Variants in ENTPD1 observed in about 807,000 individuals in gnomAD.
ENTPD1 encodes the protein ATP diphosphohydrolase.
Under a neutral mutation model 57.0 loss-of-function variants are expected in ENTPD1, and 33 were observed. The observed-to-expected ratio is 0.58, with a 90% confidence interval of 0.44 to 0.77. The LOEUF (loss-of-function observed/expected upper bound fraction) is 0.77, where lower values mean the gene tolerates loss of function less well. ENTPD1 is among the 30% of genes least tolerant of loss of function. ENTPD1 has a pLI of 0.00. For synonymous variants in ENTPD1, 202 were observed against 218.8 expected (o/e 0.92, Z 0.68); for missense variants, 501 against 603.4 (o/e 0.83, Z 1.78).
chr10:95,822,370 C>T, intron 1 of ENTPD1, among the ~76,000 whole-genome samples: 1 of 151,846 alleles, frequency 6.6e-6, no homozygotes, highest in East Asian at 1.9e-4. Context: ...GATCTTGGCT[C>T]ACCGAAACCT....
rs1290866326 is a variant in ENTPD1 at position 95,864,870 on chromosome 10, G to A, written c.1326+9G>A. On this transcript the variant is annotated intron_variant, in intron 9 of 9. Transcript: ENST00000371205. ...TCCATTTCATTGGCAAGGTAATTTG[G>A]GGGCCTGTTGGGCTGGGGGGAGGTT... The A allele has an allele frequency of 6.2e-7, 1 of 1,612,632 alleles. No individual in the cohort carries two copies. The highest frequency in any genetic ancestry group is 8.5e-7 in the Non-Finnish European group (1 of 1,179,920).
At position 95,872,045 on chromosome 10, in the gene ENTPD1, A is replaced by G. The variant is rs1419033226; in HGVS notation, c.*5662A>G. 1 of 985,300 alleles carries G rather than the reference A, an allele frequency of 1.0e-6. No individual in the cohort carries two copies. Among genetic ancestry groups the G allele is most frequent in the East Asian group, 1.1e-4 (1 of 8,826 alleles). 61.0% of individuals were successfully genotyped at this position (985,300 alleles called of 1,614,324 possible). On this transcript the variant is annotated 3_prime_UTR_variant, in exon 10 of 10. Transcript: ENST00000371205. ...GCCTCAATGAACCAAGATCAGCTCC[A>G]TCACTGGGACCTCCCCATTCTGCCT...
chr10:95,816,847 A>C (rs1463577937), intron 1 of ENTPD1, among the ~76,000 whole-genome samples: 1 of 152,242 alleles, frequency 6.6e-6, no homozygotes, highest in Non-Finnish European at 1.5e-5. Flanking sequence ...TGATAGTATT[A>C]CGTGCACCTT....
chr10:95,843,011 G>A (rs971676488), intron 4 of ENTPD1, among the ~76,000 whole-genome samples: 3 of 152,228 alleles, frequency 2.0e-5, no homozygotes, highest in Non-Finnish European at 4.4e-5. Context: ...AGGGTGATCA[G>A]TGTTTTAATA....
chr10:95,762,639 C>T (rs2098070449), intron 1 of ENTPD1, among the ~76,000 whole-genome samples: 1 of 152,096 alleles, frequency 6.6e-6, no homozygotes, highest in African/African-American at 2.4e-5. Context: ...AGGATGTTTC[C>T]ATTTCCAATA....
At chr10:95,694,740 A>G in the ENTPD1 span, among the ~76,000 whole-genome samples, 1 of 151,976 alleles carries the variant, frequency 6.6e-6, no homozygotes, top group East Asian at 1.9e-4. Flanking sequence ...CTTCCCGGGA[A>G]TGGCGTGCCT....
In ENTPD1 at chr10:95,817,037, G is replaced by A. The variant is rs925890502; in HGVS notation, c.17-6200G>A. Among the ~76,000 whole-genome samples the A allele has an allele frequency of 7.2e-5, 11 of 152,198 alleles. No homozygotes were observed. In the South Asian group the frequency reaches 1.2e-3, roughly 17 times the overall value. ...CCCATTCTGCCCATGAGGAAATGGA[G>A]GCTTACAGAGACTAAGCAAAGGTAA... On this transcript the variant is annotated intron_variant, in intron 1 of 9. Transcript: ENST00000371205.
intron 2 of ENTPD1, among the ~76,000 whole-genome samples, chr10:95,832,981 C>G (rs1412060488): frequency 6.6e-6 from 1 of 152,178 alleles, no homozygotes; most frequent in African/African-American, 2.4e-5. Flanking sequence ...GCAGGATTTC[C>G]AGCTTCTGTT....
intron 4 of ENTPD1, 143 bp from the exon 5 acceptor site, chr10:95,844,333 G>A (rs976361805): frequency 8.9e-7 from 1 of 1,126,242 alleles, no homozygotes; most frequent in Non-Finnish European, 1.3e-6. Flanking sequence ...GGACAGCTAT[G>A]TGCGAAGATC....
chr10:95,847,607 C>A lies in ENTPD1; in HGVS notation c.975C>A (p.Cys325Ter). ...AGGGTATTGGAAACTATCAACAATG[C>A]CATCAAAGCATCCTGGAGCTCTTCA... ...EIQGIGNYQQ[C>*]HQSILELFNT... The change falls in exon 7 of 10, where the codon TGC (cysteine) becomes TGA (stop). Residue 325 changes from cysteine to a stop codon, truncating the protein, a stop_gained. Coordinates refer to ENST00000371205, the MANE Select transcript of ENTPD1 (RefSeq NM_001776.6). LOFTEE classifies it high-confidence loss of function. 1 of 1,614,154 alleles carries A rather than the reference C, an allele frequency of 6.2e-7. No individual in the cohort carries two copies. Among genetic ancestry groups the A allele is most frequent in the Non-Finnish European group, 8.5e-7 (1 of 1,180,030 alleles).
chr10:95,734,118 C>T (rs2097992027), intron 1 of ENTPD1, among the ~76,000 whole-genome samples: 1 of 152,182 alleles, frequency 6.6e-6, no homozygotes, highest in Admixed American at 6.5e-5. Context: ...TCCCCCTTTC[C>T]TACTTAGCAT....
intron 1 of ENTPD1, among the ~76,000 whole-genome samples, chr10:95,741,617 C>T (rs530235389): frequency 3.9e-5 from 6 of 152,254 alleles, no homozygotes; most frequent in African/African-American, 1.4e-4. Context: ...AAGCCAAGCA[C>T]AAGCAAGTGG....
chr10:95,722,755 C>A (rs2097978987), intron 1 of ENTPD1, among the ~76,000 whole-genome samples: 1 of 152,126 alleles, frequency 6.6e-6, no homozygotes, highest in Admixed American at 6.5e-5. Flanking sequence ...GGAGTTCCTC[C>A]TAGGTCTGGT....
chr10:95,840,077 G>A (rs957026580), intron 3 of ENTPD1, among the ~76,000 whole-genome samples: 3 of 152,274 alleles, frequency 2.0e-5, no homozygotes, highest in African/African-American at 7.2e-5. Flanking sequence ...ACTTAGTACT[G>A]AACATGTGTT....
intron 1 of ENTPD1, among the ~76,000 whole-genome samples, chr10:95,813,461 C>T (rs2098316725): frequency 6.6e-6 from 1 of 152,084 alleles, no homozygotes; most frequent in South Asian, 2.1e-4. Context: ...CCAGAACCAC[C>T]CCATAGTTAG....
chr10:95,743,783 T>G (rs2098002888), intron 1 of ENTPD1, among the ~76,000 whole-genome samples: 1 of 151,498 alleles, frequency 6.6e-6, no homozygotes, highest in East Asian at 1.9e-4. Context: ...CTTAATTACT[T>G]TCTGGCCCCA....
At position 95,870,706 on chromosome 10, in the gene ENTPD1, TCTCTGATTCAAATACCAATAGTTG is replaced by T. The variant is rs1566268266; in HGVS notation, c.*4337_*4360del. 1 of 985,462 alleles carries T rather than the reference TCTCTGATTCAAATACCAATAGTTG, an allele frequency of 1.0e-6. No homozygotes were observed. The highest frequency in any genetic ancestry group is 1.2e-6 in the Non-Finnish European group (1 of 829,916). 61.0% of individuals were successfully genotyped at this position (985,462 alleles called of 1,614,324 possible). ...GTTTCACCCAAACTGGTCTGGCCCC[TCTCTGATTCAAATACCAATAGTTG>T]CTCTGATTCAAATTCCAACTGTTAG... On this transcript the variant is annotated 3_prime_UTR_variant, in exon 10 of 10. Coordinates refer to ENST00000371205, the MANE Select transcript of ENTPD1 (RefSeq NM_001776.6).
intron 1 of ENTPD1, among the ~76,000 whole-genome samples, chr10:95,749,770 G>A (rs2098009823): frequency 6.6e-6 from 1 of 152,166 alleles, no homozygotes. Flanking sequence ...CTTCCTGGTG[G>A]GAAGTTGGAA....
In ENTPD1 at chr10:95,866,635, T is replaced by C. The variant is rs748197958; in HGVS notation, c.*252T>C. On this transcript the variant is annotated 3_prime_UTR_variant, in exon 10 of 10. Transcript: ENST00000371205. ...CACCTTTCTCCTTTGTACTTTGTGC[T>C]TGTATAGGTTTTAAAGACCTGACAC... is the stretch of plus-strand genomic sequence containing the variant. The C allele has an allele frequency of 1.6e-4, 212 of 1,331,052 alleles. No homozygotes were observed. The highest frequency in any genetic ancestry group is 1.9e-4 in the Non-Finnish European group (200 of 1,035,640). The allele number at this position is 1,331,052 out of a possible 1,614,324, so 82.5% of individuals were successfully genotyped here.
Sources: allele counts gnomAD v4.1 joint callset (sites outside exome capture counted in the v4.1 genomes callset), GRCh38; gene constraint gnomAD v4.1.1; transcripts MANE v1.5; gene names NCBI Gene and HGNC (gene_info 2026-07-23, HGNC 2026-07-21).